The following DDHD1 variants were observed in gnomAD, a reference collection of about 807,000 sequenced individuals.
The protein encoded by DDHD1 is phospholipase DDHD1.
Under a neutral mutation model 96.4 loss-of-function variants are expected in DDHD1, and 49 were observed. The ratio of observed to expected loss-of-function variants is 0.51; its 90% confidence interval spans 0.40 to 0.64. The LOEUF (loss-of-function observed/expected upper bound fraction) is 0.64. Ranked by LOEUF, DDHD1 falls within the 30% of genes least tolerant of loss-of-function variation. DDHD1 has a pLI of 0.00. For synonymous variants in DDHD1, 442 were observed against 446.5 expected, an observed-to-expected ratio of 0.99 and a Z score of 0.13; for missense variants, 1,106 against 1,161.2, an observed-to-expected ratio of 0.95 and a Z score of 0.69.
Position 53,152,290 on chromosome 14 carries a change from T to G in DDHD1, c.809A>C (p.Gln270Pro). ...CCAGTACACCGGGTAGCACTCTCCT[T>G]GGGTCACATCCACCTCGTAGAGGCC... is the stretch of plus-strand genomic sequence containing the variant. ...RGGLYEVDVT[Q>P]GECYPVYWNQ... Residue 270 changes from glutamine to proline, a missense_variant, in exon 1 of 13, where the codon CAA becomes CCA. Transcript: ENST00000673822. The G allele has an allele frequency of 6.2e-7, 1 of 1,612,906 alleles. No homozygotes were observed. Among genetic ancestry groups the G allele is most frequent in the Non-Finnish European group, 8.5e-7 (1 of 1,179,406 alleles).
chr14:53,101,492 C>A (rs1161971763), intron 2 of DDHD1, among the ~76,000 whole-genome samples: 1 of 151,974 alleles, frequency 6.6e-6, no homozygotes, highest in African/African-American at 2.4e-5. Context: ...TAATGAACCT[C>A]AAAGAATCAT....
chr14:53,058,339 T>C, intron 9 of DDHD1, 138 bp downstream of exon 9: 2 of 936,708 alleles, frequency 2.1e-6, no homozygotes, highest in Non-Finnish European at 1.6e-6. Flanking sequence ...GGTCTTGAAC[T>C]CCTGACCTCA....
intron 6 of DDHD1, among the ~76,000 whole-genome samples, chr14:53,068,336 C>G (rs756040030): frequency 4.6e-5 from 7 of 150,926 alleles, no homozygotes; most frequent in Non-Finnish European, 1.0e-4. Flanking sequence ...CTCGACCTCC[C>G]AGGCTCAAGC....
chr14:53,067,410 G>A (rs1176937048), intron 6 of DDHD1, among the ~76,000 whole-genome samples: 1 of 151,172 alleles, frequency 6.6e-6, no homozygotes, highest in African/African-American at 2.4e-5. Context: ...TGCCCGTCTC[G>A]GCCTCCCAAA....
chr14:53,097,755 C>T (rs940933757), intron 2 of DDHD1, among the ~76,000 whole-genome samples: 5 of 151,772 alleles, frequency 3.3e-5, no homozygotes, highest in Non-Finnish European at 5.9e-5. Context: ...ATTATGTAAA[C>T]GCTTTCGGAA....
intron 4 of DDHD1, among the ~76,000 whole-genome samples, chr14:53,082,303 A>C (rs529423023): frequency 1.3e-5 from 2 of 152,224 alleles, no homozygotes; most frequent in African/African-American, 2.4e-5. Flanking sequence ...GCTGTAAAAC[A>C]TAAGTCTTCA....
At chr14:53,086,331 A>T (rs1885948791) in intron 4 of DDHD1, among the ~76,000 whole-genome samples, 1 of 152,120 alleles carries the variant, frequency 6.6e-6, no homozygotes, top group African/African-American at 2.4e-5. Context: ...GAGAAGAGCA[A>T]CTCCAAGACA....
intron 12 of DDHD1, chr14:53,048,994 T>C (rs181376271): frequency 1.3e-5 from 2 of 152,358 alleles, no homozygotes; most frequent in Admixed American, 6.5e-5. Flanking sequence ...ACTCTTTAGT[T>C]ACAATTCTGT....
At chr14:53,096,701 T>C (rs1886909951) in intron 2 of DDHD1, among the ~76,000 whole-genome samples, 1 of 151,948 alleles carries the variant, frequency 6.6e-6, no homozygotes, top group African/African-American at 2.4e-5. Context: ...TGCTTTCCAC[T>C]GCTGAAGTAT....
intron 2 of DDHD1, among the ~76,000 whole-genome samples, chr14:53,096,565 T>C (rs1041330765): frequency 2.0e-5 from 3 of 152,068 alleles, no homozygotes; most frequent in Non-Finnish European, 2.9e-5. Flanking sequence ...TAAGGTTATT[T>C]ACTCTCACCA....
At chr14:53,081,180 C>A (rs190744402) in intron 4 of DDHD1, among the ~76,000 whole-genome samples, 1 of 152,198 alleles carries the variant, frequency 6.6e-6, no homozygotes, top group African/African-American at 2.4e-5. Flanking sequence ...AAACTTTAGA[C>A]TTGAAGGCAG....
intron 11 of DDHD1, chr14:53,052,632 T>G (rs1409637243): frequency 6.6e-6 from 1 of 152,030 alleles, no homozygotes; most frequent in African/African-American, 2.4e-5. Flanking sequence ...AAATAATTAG[T>G]AAAGCAAATC....
intron 1 of DDHD1, among the ~76,000 whole-genome samples, chr14:53,112,452 T>C (rs987432618): frequency 7.9e-5 from 12 of 151,908 alleles, no homozygotes; most frequent in East Asian, 7.7e-4. Flanking sequence ...TAATGTGACA[T>C]GAATTGAGCT....
intron 1 of DDHD1, among the ~76,000 whole-genome samples, chr14:53,143,832 C>G (rs557071508): frequency 6.6e-6 from 1 of 152,178 alleles, no homozygotes; most frequent in Non-Finnish European, 1.5e-5. Context: ...AAAGTTAGCA[C>G]AGGTCTTTGA....
At chr14:53,049,103 T>C (rs916547225) in intron 12 of DDHD1, 5 of 152,218 alleles carry the variant, frequency 3.3e-5, no homozygotes, top group Non-Finnish European at 5.9e-5. Context: ...AATATGCTAT[T>C]ACTGTCTTAC....
intron 2 of DDHD1, chr14:53,093,796 C>T (rs1886644364): frequency 2.0e-5 from 4 of 197,304 alleles, no homozygotes; most frequent in Non-Finnish European, 4.1e-5. Flanking sequence ...GGCATATATA[C>T]CTCAAGCCCT....
chr14:53,037,074 G>GC lies in DDHD1; in HGVS notation c.*9693_*9694insG, dbSNP rs1171695201. 2 of 152,054 alleles carry GC rather than the reference G, an allele frequency of 1.3e-5. No homozygotes were observed. The highest frequency in any genetic ancestry group is 1.5e-5 in the Non-Finnish European group (1 of 67,986). 9.4% of individuals were successfully genotyped at this position (152,054 alleles called of 1,614,324 possible). On this transcript the variant is annotated 3_prime_UTR_variant, in exon 13 of 13. Transcript: ENST00000673822. ...TTTGCTTAGATTATGGCTTCCAGCT[G>GC]TATCCATGTGGCTGGCTGCAAAGGA... is the stretch of plus-strand genomic sequence containing the variant.
In DDHD1 at chr14:53,152,704, C is replaced by T. The variant is rs1225521937; in HGVS notation, c.395G>A (p.Gly132Asp). ...QPPLVPTNSG[G>D]GGATGGSPGE... is the part of the protein sequence containing the mutation. ...GGGGGACCCTCCTGTCGCGCCGCCG[C>T]CCCCCGAGTTCGTCGGGACCAGCGG... Residue 132 changes from glycine (G) to aspartate (D), a missense_variant, in exon 1 of 13, where the codon GGC (glycine) becomes GAC (aspartate). By Grantham distance (94) the Gly-to-Asp change is moderately conservative (BLOSUM62 -1). Around this residue, in one of 2 missense-constraint regions of DDHD1, gnomAD observed 456 missense variants for 402.4 expected, o/e 1.13. Coordinates refer to ENST00000673822, the MANE Select transcript of DDHD1 (RefSeq NM_001160148.2). The T allele has an allele frequency of 6.2e-7, 1 of 1,610,560 alleles. No individual in the cohort carries two copies. The highest frequency in any genetic ancestry group is 2.2e-5 in the East Asian group (1 of 44,796).
intron 5 of DDHD1, 131 bp downstream of exon 5, chr14:53,073,610 G>A (rs1884709589): frequency 1.5e-6 from 1 of 652,472 alleles, no homozygotes. Flanking sequence ...CAAAGGGTGA[G>A]CATATCTCAA....
Sources: gnomAD v4.1 joint callset for allele counts (sites outside exome capture counted in the v4.1 genomes callset) on GRCh38, gnomAD v4.1.1 for gene constraint, gnomAD v4.1.1 regional missense constraint, MANE v1.5 for transcripts, NCBI Gene and HGNC (gene_info 2026-07-23, HGNC 2026-07-21) for gene names.